Variants in CDH12 observed in about 807,000 individuals in gnomAD.
CDH12 encodes cadherin 12, also known as cadherin-12.
In CDH12, 41 loss-of-function variants were observed where a neutral mutation model predicts 74.1. The ratio of observed to expected loss-of-function variants is 0.55; its 90% CI spans 0.43 to 0.72. The LOEUF (loss-of-function observed/expected upper bound fraction) is 0.72, where lower values mean the gene tolerates loss of function less well. CDH12 is among the 30% of genes least tolerant of loss of function. The probability of loss-of-function intolerance (pLI) is 0.00; values close to 1 mark genes in which losing one functional copy is unlikely to be tolerated. For synonymous variants in CDH12, 399 were observed against 355.0 expected, an observed-to-expected ratio of 1.12 and a Z score of -1.39; for missense variants, 945 against 977.2, an observed-to-expected ratio of 0.97 and a Z score of 0.44.
At chr5:22,674,247 G>C (rs112323687) in intron 1 of CDH12, among the ~76,000 whole-genome samples, 1 of 152,166 alleles carries the variant, frequency 6.6e-6, no homozygotes, top group East Asian at 1.9e-4. Flanking sequence ...GGAGGTAATT[G>C]AATCATAGGG....
intron 3 of CDH12, among the ~76,000 whole-genome samples, chr5:22,236,101 G>T (rs1236279764): frequency 6.6e-6 from 1 of 152,290 alleles, no homozygotes. Flanking sequence ...TTATGACTGG[G>T]GCTTGTAGAA....
At chr5:22,619,225 G>T (rs1737842876) in intron 1 of CDH12, among the ~76,000 whole-genome samples, 1 of 152,004 alleles carries the variant, frequency 6.6e-6, no homozygotes, top group African/African-American at 2.4e-5. Context: ...CTTTTGGGGT[G>T]AACAAAGGTC....
chr5:22,568,119 T>A (rs1021740569), intron 1 of CDH12, among the ~76,000 whole-genome samples: 1 of 152,200 alleles, frequency 6.6e-6, no homozygotes, highest in Non-Finnish European at 1.5e-5. Context: ...AAGAACTGGA[T>A]TTTATTCTAG....
At chr5:22,057,631 T>C (rs1740832124) in intron 5 of CDH12, among the ~76,000 whole-genome samples, 1 of 152,170 alleles carries the variant, frequency 6.6e-6, no homozygotes, top group Non-Finnish European at 1.5e-5. Context: ...CAAAAATACC[T>C]GGAGAGTAAA....
intron 3 of CDH12, among the ~76,000 whole-genome samples, chr5:22,274,466 A>T (rs948365106): frequency 6.6e-6 from 1 of 152,252 alleles, no homozygotes; most frequent in East Asian, 1.9e-4. Context: ...GTCTTGGCAC[A>T]GTTTCATTTT....
At chr5:22,840,237 C>T (rs1737024111) in intron 1 of CDH12, among the ~76,000 whole-genome samples, 1 of 152,136 alleles carries the variant, frequency 6.6e-6, no homozygotes, top group South Asian at 2.1e-4. Flanking sequence ...TCTCCTGCCT[C>T]AGTCTCTGGA....
chr5:21,978,048 T>C (rs560764930), intron 5 of CDH12, among the ~76,000 whole-genome samples: 39 of 152,324 alleles, frequency 2.6e-4, no homozygotes, highest in Admixed American at 8.5e-4. Flanking sequence ...TCTTGTTGGA[T>C]ATTATAAAAT....
At chr5:22,552,192 C>A (rs1738603162) in intron 1 of CDH12, among the ~76,000 whole-genome samples, 1 of 152,018 alleles carries the variant, frequency 6.6e-6, no homozygotes, top group African/African-American at 2.4e-5. Context: ...AAGGGGAGAG[C>A]TCCTTCTATA....
At chr5:22,070,063 C>A (rs1379105556) in intron 5 of CDH12, among the ~76,000 whole-genome samples, 1 of 152,130 alleles carries the variant, frequency 6.6e-6, no homozygotes, top group Non-Finnish European at 1.5e-5. Context: ...ACAAGTACTT[C>A]TTCCTTATTT....
intron 2 of CDH12, among the ~76,000 whole-genome samples, chr5:22,494,155 G>A (rs757517246): frequency 6.6e-5 from 10 of 152,244 alleles, no homozygotes; most frequent in African/African-American, 2.4e-4. Flanking sequence ...TCATAGTAAT[G>A]TTGATGAGAC....
intron 2 of CDH12, among the ~76,000 whole-genome samples, chr5:22,484,887 A>C (rs1196222794): frequency 6.6e-6 from 1 of 152,186 alleles, no homozygotes; most frequent in Non-Finnish European, 1.5e-5. Context: ...ACAACATATT[A>C]TATATAATAT....
chr5:22,074,787 A>T (rs909217994), intron 5 of CDH12, among the ~76,000 whole-genome samples: 2 of 152,078 alleles, frequency 1.3e-5, no homozygotes, highest in African/African-American at 4.8e-5. Context: ...TTAGAATGGC[A>T]ATCATTAAAA....
intron 3 of CDH12, among the ~76,000 whole-genome samples, chr5:22,249,701 C>T (rs2150386574): frequency 6.6e-6 from 1 of 152,264 alleles, no homozygotes; most frequent in African/African-American, 2.4e-5. Flanking sequence ...GCTAACCATG[C>T]TTCTGTTGTT....
intron 3 of CDH12, among the ~76,000 whole-genome samples, chr5:22,351,857 T>G (rs1202267711): frequency 1.3e-5 from 2 of 152,188 alleles, no homozygotes; most frequent in East Asian, 3.9e-4. Flanking sequence ...TTTTCACAAA[T>G]AGCATTTTTT....
At chr5:22,271,792 C>CT (rs35369621) in intron 3 of CDH12, among the ~76,000 whole-genome samples, 51,619 of 150,198 alleles carry the variant, frequency 0.34, 9,183 homozygotes, top group East Asian at 0.49. Flanking sequence ...TGAAATAAAT[C>CT]TTTTTTTTTT....
intron 4 of CDH12, among the ~76,000 whole-genome samples, chr5:22,183,060 A>T (rs1227480310): frequency 6.7e-6 from 1 of 149,874 alleles, no homozygotes; most frequent in African/African-American, 2.5e-5. Flanking sequence ...GTTGCAGATA[A>T]AGTTATGAAT....
At chr5:22,579,366 T>A (rs1039238255) in intron 1 of CDH12, among the ~76,000 whole-genome samples, 4 of 152,220 alleles carry the variant, frequency 2.6e-5, no homozygotes, top group Non-Finnish European at 5.9e-5. Flanking sequence ...TCCGATTTAA[T>A]GACTTTTGTG....
At chr5:22,750,434 T>C (rs1745506768) in intron 1 of CDH12, among the ~76,000 whole-genome samples, 1 of 152,088 alleles carries the variant, frequency 6.6e-6, no homozygotes, top group Middle Eastern at 3.2e-3. Flanking sequence ...GGGCAAAGAA[T>C]GCAATTAGAA....
chr5:21,852,308 G>A (rs1258773186), intron 7 of CDH12, among the ~76,000 whole-genome samples: 1 of 151,174 alleles, frequency 6.6e-6, no homozygotes, highest in African/African-American at 2.4e-5. Flanking sequence ...CATAGCTTAC[G>A]ACAGAATTGT....
Sources: allele counts gnomAD v4.1 joint callset (sites outside exome capture counted in the v4.1 genomes callset), GRCh38; gene constraint gnomAD v4.1.1; transcripts MANE v1.5; gene names NCBI Gene and HGNC (gene_info 2026-07-23, HGNC 2026-07-21).